Variants in ODF2 observed in about 807,000 individuals in gnomAD.
ODF2 encodes the protein outer dense fiber of sperm tails 2.
Under a neutral mutation model 110.2 loss-of-function variants are expected in ODF2, and 47 were observed. The observed-to-expected ratio is 0.43, with a 90% CI of 0.34 to 0.54. The LOEUF (loss-of-function observed/expected upper bound fraction) is 0.54. Ranked by LOEUF, ODF2 falls within the 20% of genes least tolerant of loss-of-function variation. ODF2 has a pLI of 0.03. For synonymous variants in ODF2, 352 were observed against 397.7 expected, an observed-to-expected ratio of 0.89 and a Z score of 1.37; for missense variants, 812 against 1,054.5, an observed-to-expected ratio of 0.77 and a Z score of 3.19.
chr9:128,465,514 A>G (rs542807020), intron 4 of ODF2, among the ~76,000 whole-genome samples: 67 of 152,148 alleles, frequency 4.4e-4, no homozygotes, highest in South Asian at 8.3e-4. Context: ...AGGCCAAGGC[A>G]GGCGGATCAT....
Position 128,484,891 on chromosome 9 carries a change from C to A in ODF2, c.1290+5C>A, listed in dbSNP as rs759828804. 6.2e-7 allele frequency: 1 copy of A among 1,612,600 alleles called. No homozygotes were observed. The highest frequency in any genetic ancestry group is 8.5e-7 in the Non-Finnish European group (1 of 1,179,514). ...CACGTGCAACTCGCTGACAAGGTCG[C>A]AGGCCCGCGGTGCCCAGCTCCTCAC... On this transcript the variant is annotated splice_donor_5th_base_variant and intron_variant, in intron 12 of 20. Transcript: ENST00000604420.
chr9:128,498,502 TGGA>T, exon 19 of ODF2: 1 of 1,611,452 alleles, frequency 6.2e-7, no homozygotes, highest in Non-Finnish European at 8.5e-7. Flanking sequence ...CAGCTGCGGC[TGGA>T]GGAGAAAACA....
rs745842553 is a variant in ODF2, at chr9:128,456,211, C to T, written c.-253C>T. On this transcript the variant is annotated 5_prime_UTR_variant, in exon 1 of 21. Transcript: ENST00000604420. ...GCACGACCCTGGCCTCCGACTTCAA[C>T]GACTTCATAAGGCGGCGTTTCTGGG... 4.5e-6 allele frequency: 7 copies of T among 1,547,504 alleles called. No homozygotes were observed. The South Asian group carries it at 8.4e-5, about 19-fold the overall frequency.
At chr9:128,458,563 C>G (rs565143183) in intron 2 of ODF2, among the ~76,000 whole-genome samples, 11 of 147,892 alleles carry the variant, frequency 7.4e-5, no homozygotes, top group African/African-American at 2.7e-4. Context: ...GATTTTGGAG[C>G]AAATAGACTT....
At chr9:128,457,669 CAG>C (rs1410943006) in intron 2 of ODF2, among the ~76,000 whole-genome samples, 1 of 152,202 alleles carries the variant, frequency 6.6e-6, no homozygotes, top group Non-Finnish European at 1.5e-5. Flanking sequence ...TGGAAGCAAA[CAG>C]GGTCACTCTT....
chr9:128,491,851 T>G lies in ODF2; in HGVS notation c.1537-575T>G, dbSNP rs542040905. 1.6e-3 allele frequency among the ~76,000 whole-genome samples: 244 copies of G among 151,858 alleles called. 1 individual carries two copies. The highest frequency in any genetic ancestry group is 2.7e-3 in the Non-Finnish European group (186 of 67,918). On this transcript the variant is annotated intron_variant, in intron 14 of 20. Transcript: ENST00000604420. Reference sequence around the variant, plus strand: ...AAGCATTAGGATTAGTGTGTCTTGGTTTTATCCCCATTTTCTTTTTTTTTT... The same window carrying G: ...AAGCATTAGGATTAGTGTGTCTTGGGTTTATCCCCATTTTCTTTTTTTTTT...
chr9:128,461,003 A>G, exon 4 of ODF2: 1 of 1,614,118 alleles, frequency 6.2e-7, no homozygotes, highest in South Asian at 1.1e-5. Context: ...GTCCGGGTGA[A>G]AACCAAGGTA....
Position 128,470,046 on chromosome 9 carries a change from T to TATATATAA in ODF2, c.420+694_420+695insTATATAAA, listed in dbSNP as rs1273553014. ...ATATATATATATATATATATATATATAAATAAAAAAATTAACAAAAACAAA... is the reference window on the plus strand; with the variant it reads ...ATATATATATATATATATATATATATATATATAAAAATAAAAAAATTAACAAAAACAAA... On this transcript the variant is annotated intron_variant, in intron 5 of 20. Coordinates refer to ENST00000604420, the Ensembl canonical transcript of ODF2. Among the ~76,000 whole-genome samples the TATATATAA allele has an allele frequency of 2.5e-4, 14 of 56,668 alleles. No homozygotes were observed. In the East Asian group the frequency reaches 4.8e-3, roughly 19 times the overall value. The allele number at this position is 56,668 out of a possible 152,430, so 37.2% of individuals were successfully genotyped here. A position where few individuals can be genotyped will look rare whatever the true frequency, so the allele number is the denominator to read the frequency against.
chr9:128,467,014 AATATATATATATATATATATATATAT>A (rs1387586322), intron 4 of ODF2, among the ~76,000 whole-genome samples: 9 of 24,784 alleles, frequency 3.6e-4, no homozygotes, highest in Admixed American at 1.6e-3. Context: ...AAAAAAAAAA[AATATATATATATATATATATATATAT>A]ATATATATAT....
intron 11 of ODF2, among the ~76,000 whole-genome samples, 176 bp from the exon 12 acceptor site, chr9:128,484,525 T>C (rs542394252): frequency 1.3e-5 from 2 of 152,296 alleles, no homozygotes; most frequent in South Asian, 4.1e-4. Flanking sequence ...TGGGAGGGAC[T>C]GTGTCTCTGG....
At chr9:128,460,194 G>C in intron 3 of ODF2, 1 of 1,304,682 alleles carries the variant, frequency 7.7e-7, no homozygotes, top group Non-Finnish European at 1.0e-6. Flanking sequence ...CCTGCTTTCC[G>C]CTGTGCTTCA....
intron 2 of ODF2, among the ~76,000 whole-genome samples, chr9:128,459,001 C>G (rs1008829968): frequency 1.3e-5 from 2 of 152,052 alleles, no homozygotes; most frequent in African/African-American, 2.4e-5. Flanking sequence ...CACGCCACCA[C>G]GCCAAGCTAA....
chr9:128,478,190 G>A (rs1452436791), intron 8 of ODF2, among the ~76,000 whole-genome samples: 1 of 152,150 alleles, frequency 6.6e-6, no homozygotes, highest in Non-Finnish European at 1.5e-5. Context: ...TAAAGATAGG[G>A]TTTTGCTGTG....
At chr9:128,473,390 C>A in intron 7 of ODF2, 2 of 622,706 alleles carry the variant, frequency 3.2e-6, no homozygotes, top group African/African-American at 2.0e-5. Context: ...CACACTGAGC[C>A]TTCCCACCCC....
chr9:128,473,812 G>A, intron 8 of ODF2, 71 bp downstream of exon 8: 1 of 1,454,786 alleles, frequency 6.9e-7, no homozygotes, highest in Non-Finnish European at 9.5e-7. Flanking sequence ...CTCCTTGTCT[G>A]TAAAAAGAAA....
intron 1 of ODF2, chr9:128,457,174 T>A: frequency 1.4e-6 from 2 of 1,479,602 alleles, no homozygotes; most frequent in Non-Finnish European, 9.0e-7. Flanking sequence ...GCTCAGCCTC[T>A]ACTATTTCCC....
intron 1 of ODF2, chr9:128,456,658 G>GGGCC: frequency 6.8e-7 from 1 of 1,472,792 alleles, no homozygotes; most frequent in South Asian, 1.3e-5. Flanking sequence ...CGACCGCCTC[G>GGGCC]TCCTCTCCTC....
intron 5 of ODF2, among the ~76,000 whole-genome samples, chr9:128,470,339 G>A (rs189466755): frequency 6.6e-6 from 1 of 151,338 alleles, no homozygotes; most frequent in East Asian, 2.0e-4. Flanking sequence ...GCCTAGAATA[G>A]GCCCTTCTTG....
intron 4 of ODF2, chr9:128,468,891 C>G (rs1365013843): frequency 3.3e-6 from 1 of 301,814 alleles, no homozygotes; most frequent in Non-Finnish European, 6.1e-6. Context: ...TGGCTTCCCG[C>G]CTCGGCCTCC....
Sources: gnomAD v4.1 joint callset for allele counts (sites outside exome capture counted in the v4.1 genomes callset) on GRCh38, gnomAD v4.1.1 for gene constraint, MANE v1.5 for transcripts, NCBI Gene and HGNC (gene_info 2026-07-23, HGNC 2026-07-21) for gene names.